The following AGBL4 variants were observed in gnomAD, a reference collection of about 807,000 sequenced individuals.
AGBL4 encodes cytosolic carboxypeptidase 6.
Under a neutral mutation model 66.4 loss-of-function variants are expected in AGBL4, and 58 were observed. That is an observed-to-expected ratio of 0.87 (90% CI 0.71 to 1.09). AGBL4 has a LOEUF of 1.09. Among genes scored for constraint, AGBL4 ranks in the 50% least tolerant of loss-of-function variants. The probability of loss-of-function intolerance (pLI) is 0.00; values close to 1 mark genes in which losing one functional copy is unlikely to be tolerated. For missense variants in AGBL4, 579 were observed against 631.0 expected (o/e 0.92, Z 0.88); for synonymous variants, 234 against 222.9 (o/e 1.05, Z -0.44).
At chr1:48,761,587 GA>G (rs1473357077) in intron 6 of AGBL4, 4 of 1,100,100 alleles carry the variant, frequency 3.6e-6, no homozygotes, top group Non-Finnish European at 5.1e-6. Flanking sequence ...AGTTAAAAAG[GA>G]AAAACAAACA....
chr1:49,813,673 T>C (rs2147975902), intron 2 of AGBL4, among the ~76,000 whole-genome samples: 1 of 152,198 alleles, frequency 6.6e-6, no homozygotes, highest in Non-Finnish European at 1.5e-5. Flanking sequence ...ACAAACACAA[T>C]CCTATTCTCA....
chr1:48,892,001 G>A (rs1651018924), intron 5 of AGBL4, among the ~76,000 whole-genome samples: 2 of 134,702 alleles, frequency 1.5e-5, no homozygotes, highest in African/African-American at 2.5e-5. Context: ...CAAACTAGGT[G>A]ACTTAAAACA....
chr1:49,005,093 C>T (rs577822101), intron 5 of AGBL4, among the ~76,000 whole-genome samples: 2 of 152,218 alleles, frequency 1.3e-5, no homozygotes, highest in South Asian at 2.1e-4. Context: ...CTATAACTAG[C>T]ATCTAATAAA....
chr1:48,563,608 A>C (rs1644430074), intron 11 of AGBL4, among the ~76,000 whole-genome samples: 1 of 150,568 alleles, frequency 6.6e-6, no homozygotes, highest in South Asian at 2.1e-4. Flanking sequence ...AGTGACAGAG[A>C]GAGAGAATTA....
chr1:48,653,254 A>G (rs1042997579), intron 8 of AGBL4, 83 bp downstream of exon 8: 1 of 1,139,558 alleles, frequency 8.8e-7, no homozygotes, highest in Admixed American at 2.7e-5. Context: ...TTCTTCCTCA[A>G]AAAATATATC....
chr1:48,863,900 G>C (rs1218792386), intron 6 of AGBL4, among the ~76,000 whole-genome samples: 1 of 151,952 alleles, frequency 6.6e-6, no homozygotes, highest in African/African-American at 2.4e-5. Context: ...TCTTAAATAA[G>C]CCACAAAAGT....
chr1:48,694,226 G>A (rs1322957417), intron 6 of AGBL4, among the ~76,000 whole-genome samples: 6 of 152,162 alleles, frequency 3.9e-5, no homozygotes, highest in Non-Finnish European at 5.9e-5. Flanking sequence ...GCAGAGAAAC[G>A]GTGGTGGGTA....
intron 6 of AGBL4, among the ~76,000 whole-genome samples, chr1:48,835,418 C>A (rs966482505): frequency 1.3e-5 from 2 of 151,998 alleles, no homozygotes; most frequent in Non-Finnish European, 2.9e-5. Context: ...AATAATCACA[C>A]AAATATGGGT....
intron 4 of AGBL4, among the ~76,000 whole-genome samples, chr1:49,226,928 G>A (rs1429197105): frequency 1.3e-5 from 2 of 152,134 alleles, no homozygotes; most frequent in Non-Finnish European, 2.9e-5. Context: ...CTGACTCAAC[G>A]TCTGGTGAGA....
intron 5 of AGBL4, among the ~76,000 whole-genome samples, chr1:48,937,955 C>A (rs546053168): frequency 6.6e-6 from 1 of 152,160 alleles, no homozygotes; most frequent in Non-Finnish European, 1.5e-5. Flanking sequence ...TGCAGTTCTT[C>A]GACTTATCAG....
At chr1:49,077,992 T>G (rs1018109630) in intron 4 of AGBL4, among the ~76,000 whole-genome samples, 1 of 152,102 alleles carries the variant, frequency 6.6e-6, no homozygotes, top group African/African-American at 2.4e-5. Flanking sequence ...CTTTAAAGAA[T>G]GAAAAACCAG....
At chr1:49,510,231 C>T (rs1649089905) in intron 3 of AGBL4, among the ~76,000 whole-genome samples, 1 of 151,944 alleles carries the variant, frequency 6.6e-6, no homozygotes, top group Non-Finnish European at 1.5e-5. Flanking sequence ...TCTCCACATC[C>T]TCTCCAGCAC....
At chr1:49,699,629 G>A (rs1181112095) in intron 2 of AGBL4, among the ~76,000 whole-genome samples, 1 of 151,870 alleles carries the variant, frequency 6.6e-6, no homozygotes, top group Non-Finnish European at 1.5e-5. Flanking sequence ...AGTTAAATAA[G>A]CCAGACGCAA....
At chr1:49,529,543 G>A (rs1650931968) in intron 3 of AGBL4, among the ~76,000 whole-genome samples, 1 of 152,038 alleles carries the variant, frequency 6.6e-6, no homozygotes, top group African/African-American at 2.4e-5. Context: ...GCTAAGCATG[G>A]TGGCACATGC....
At position 49,946,181 on chromosome 1, in the gene AGBL4, A is replaced by C. The variant is rs528552551; in HGVS notation, c.34+77582T>G. 3.0e-5 allele frequency among the ~76,000 whole-genome samples: 4 copies of C among 133,640 alleles called. No homozygotes were observed. The East Asian group carries it at 1.7e-3, about 57-fold the overall frequency. 87.7% of individuals were successfully genotyped at this position (133,640 alleles called of 152,430 possible). On this transcript the variant is annotated intron_variant, in intron 1 of 13. Coordinates refer to ENST00000371839, the MANE Select transcript of AGBL4 (RefSeq NM_032785.4). The stretch of plus-strand genomic sequence containing the variant: ...AAAGTCAACAACAACAATAAAAAAA[A>C]TTTAAACTACACCCTGGAACCAATG...
chr1:48,531,169 C>T (rs192533046), downstream of AGBL4, among the ~76,000 whole-genome samples: 12 of 152,166 alleles, frequency 7.9e-5, no homozygotes, highest in East Asian at 2.3e-3. Context: ...CTTGCAAACA[C>T]ACCCTCCTAC....
intron 3 of AGBL4, among the ~76,000 whole-genome samples, chr1:49,674,714 C>CA (rs1558152849): frequency 6.6e-6 from 1 of 150,518 alleles, no homozygotes; most frequent in African/African-American, 2.4e-5. Context: ...AACTGTTTTC[C>CA]AAAAAAAAGA....
intron 3 of AGBL4, among the ~76,000 whole-genome samples, chr1:49,550,228 A>G (rs1652843973): frequency 6.6e-6 from 1 of 152,210 alleles, no homozygotes; most frequent in African/African-American, 2.4e-5. Context: ...GTTCTTATCC[A>G]TTCAGAAGTT....
intron 5 of AGBL4, among the ~76,000 whole-genome samples, chr1:48,946,468 T>C (rs1448410272): frequency 6.6e-6 from 1 of 152,204 alleles, no homozygotes; most frequent in African/African-American, 2.4e-5. Flanking sequence ...GTTCTGAATT[T>C]GGCTTTGGCA....
Sources: gnomAD v4.1 joint callset for allele counts (sites outside exome capture counted in the v4.1 genomes callset) on GRCh38, gnomAD v4.1.1 for gene constraint, MANE v1.5 for transcripts, NCBI Gene and HGNC (gene_info 2026-07-23, HGNC 2026-07-21) for gene names.